The following GAN variants were observed in gnomAD, a reference collection of about 807,000 sequenced individuals.
GAN encodes the protein epididymis secretory sperm binding protein.
In GAN, 48 loss-of-function variants were observed where a neutral mutation model predicts 71.3. The observed-to-expected ratio is 0.67, with a 90% CI of 0.53 to 0.86. The LOEUF is 0.86. Among genes scored for constraint, GAN ranks in the 40% least tolerant of loss-of-function variants. The pLI is 0.00. For missense variants in GAN, 928 were observed against 770.1 expected (o/e 1.21, Z -2.43); for synonymous variants, 386 against 276.8 (o/e 1.39, Z -3.92).
chr16:81,376,818 A>G (rs1427531990), intron 9 of GAN, among the ~76,000 whole-genome samples: 2 of 152,126 alleles, frequency 1.3e-5, no homozygotes, highest in African/African-American at 2.4e-5. Flanking sequence ...TTGAGGCTGC[A>G]GTGAACCATA....
chr16:81,339,732 ATGGAG>A lies in GAN; in HGVS notation c.168-11848_168-11844del, dbSNP rs1432627121. Among the ~76,000 whole-genome samples, 12 of 152,308 alleles carry A rather than the reference ATGGAG, an allele frequency of 7.9e-5. No homozygotes were observed. In the East Asian group the frequency reaches 2.1e-3, roughly 27 times the overall value. On this transcript the variant is annotated intron_variant, in intron 1 of 10. Transcript: ENST00000648994. ...GGGCGGAGGTGCAGCTTGTGGCAGG[ATGGAG>A]TGATCTAGGAAAAATCTGTAGAACA...
At chr16:81,353,343 T>C (rs1258782928) in intron 2 of GAN, among the ~76,000 whole-genome samples, 1 of 151,568 alleles carries the variant, frequency 6.6e-6, no homozygotes, top group Non-Finnish European at 1.5e-5. Flanking sequence ...AACTCCTGAA[T>C]TGGCAGTTTT....
At chr16:81,353,401 A>C (rs184375441) in intron 2 of GAN, among the ~76,000 whole-genome samples, 187 of 151,974 alleles carry the variant, frequency 1.2e-3, no homozygotes, top group Admixed American at 3.6e-3. Flanking sequence ...CCTATATTTG[A>C]AGAGTCTACA....
At chr16:81,324,331 G>A (rs750213372) in intron 1 of GAN, among the ~76,000 whole-genome samples, 10 of 152,138 alleles carry the variant, frequency 6.6e-5, no homozygotes, top group Admixed American at 2.6e-4. Flanking sequence ...TGAGTTTGCC[G>A]AAGGAAGTCC....
intron 1 of GAN, among the ~76,000 whole-genome samples, chr16:81,341,225 A>G (rs1182721741): frequency 1.3e-5 from 2 of 152,178 alleles, no homozygotes; most frequent in African/African-American, 4.8e-5. Flanking sequence ...ACTCTGCAGG[A>G]TATTATCCAG....
intron 1 of GAN, among the ~76,000 whole-genome samples, chr16:81,321,851 C>G (rs575806448): frequency 8.5e-5 from 13 of 152,132 alleles, no homozygotes; most frequent in African/African-American, 3.1e-4. Context: ...GCTATGGTTG[C>G]GACCTTGCAT....
At chr16:81,320,448 G>C (rs992211038) in intron 1 of GAN, among the ~76,000 whole-genome samples, 2 of 152,216 alleles carry the variant, frequency 1.3e-5, no homozygotes, top group African/African-American at 2.4e-5. Context: ...CGAGGCAGCA[G>C]TATCCACTAA....
At chr16:81,370,628 C>T (rs1262339199) in intron 9 of GAN, among the ~76,000 whole-genome samples, 2 of 152,242 alleles carry the variant, frequency 1.3e-5, no homozygotes, top group Non-Finnish European at 2.9e-5. Flanking sequence ...AGAGTGTGCA[C>T]CCCTGGTCTC....
chr16:81,359,198 C>G (rs975518571), intron 5 of GAN, among the ~76,000 whole-genome samples: 3 of 116,538 alleles, frequency 2.6e-5, no homozygotes, highest in African/African-American at 9.5e-5. Flanking sequence ...AGCTCCCTTA[C>G]ATTTCCCCCA....
chr16:81,364,075 A>G (rs907244199), intron 7 of GAN, 132 bp downstream of exon 7: 258 of 801,432 alleles, frequency 3.2e-4, no homozygotes, highest in Non-Finnish European at 4.4e-4. Context: ...AACTCTCTTT[A>G]TCGGTAGTTT....
chr16:81,377,459 A>G lies in GAN; in HGVS notation c.1657A>G (p.Thr553Ala), dbSNP rs776251466. 1 of 1,614,118 alleles carries G rather than the reference A, an allele frequency of 6.2e-7. No individual in the cohort carries two copies. Among genetic ancestry groups the G allele is most frequent in the South Asian group, 1.1e-5 (1 of 91,080 alleles). ...YVREFKRSTG[T>A]WHHTKPLLPS... ...GCGTGAGTTTAAAAGAAGCACAGGAACCTGGCACCACACTAAACCACTCCT... is the reference window on the plus strand; with the variant it reads ...GCGTGAGTTTAAAAGAAGCACAGGAGCCTGGCACCACACTAAACCACTCCT... The change falls in exon 11 of 11, where the codon ACC (threonine) becomes GCC (alanine). Residue 553 changes from threonine to alanine, a missense_variant. Thr to Ala is a moderately conservative substitution (Grantham distance 58). Transcript: ENST00000648994.
chr16:81,342,307 C>T (rs1199534737), intron 1 of GAN, among the ~76,000 whole-genome samples: 1 of 152,210 alleles, frequency 6.6e-6, no homozygotes, highest in African/African-American at 2.4e-5. Flanking sequence ...CAGAACTCTC[C>T]ACCCCAAATC....
Position 81,383,511 on chromosome 16 carries a change from C to T in GAN, c.*5915C>T, listed in dbSNP as rs1157946924. 1 of 151,566 alleles carries T rather than the reference C, an allele frequency of 6.6e-6. No individual in the cohort carries two copies. Among genetic ancestry groups the T allele is most frequent in the Non-Finnish European group, 1.5e-5 (1 of 67,908 alleles). 9.4% of individuals were successfully genotyped at this position (151,566 alleles called of 1,614,324 possible). On this transcript the variant is annotated 3_prime_UTR_variant, in exon 11 of 11. Coordinates refer to ENST00000648994, the MANE Select transcript of GAN (RefSeq NM_022041.4). Reference sequence around the variant, plus strand: ...TTCGTGATCCGCCCGCCTCAGCCTCCCAAAGTGCTGGATTACAGGTGTGAG... The same window carrying T: ...TTCGTGATCCGCCCGCCTCAGCCTCTCAAAGTGCTGGATTACAGGTGTGAG...
At chr16:81,326,487 C>T (rs897938798) in intron 1 of GAN, among the ~76,000 whole-genome samples, 7 of 152,060 alleles carry the variant, frequency 4.6e-5, no homozygotes, top group Admixed American at 1.3e-4. Flanking sequence ...GAGACGAGAT[C>T]GCGCCATTGC....
chr16:81,371,111 T>A (rs1296074115), intron 9 of GAN, among the ~76,000 whole-genome samples: 5 of 152,140 alleles, frequency 3.3e-5, no homozygotes, highest in African/African-American at 1.2e-4. Flanking sequence ...TATTTCAAAT[T>A]TATGTTAGTT....
chr16:81,320,858 A>T lies in GAN; in HGVS notation c.167+5578A>T, dbSNP rs141099630. On this transcript the variant is annotated intron_variant, in intron 1 of 10. Transcript: ENST00000648994. ...TTCCTAACAACTGCTCAGAAGATGA[A>T]ATTTGTCCAGAAGGTCTTGATAGTT... is the stretch of plus-strand genomic sequence containing the variant. Among the ~76,000 whole-genome samples the T allele has an allele frequency of 6.1e-3, 929 of 152,258 alleles. 6 individuals are homozygous for T. The highest frequency in any genetic ancestry group is 0.021 in the African/African-American group (887 of 41,556).
chr16:81,370,836 C>G (rs1467372134), intron 9 of GAN, among the ~76,000 whole-genome samples: 9 of 152,228 alleles, frequency 5.9e-5, no homozygotes, highest in Non-Finnish European at 1.5e-5. Flanking sequence ...CATCCTTTTA[C>G]TTACTTTGGG....
intron 1 of GAN, among the ~76,000 whole-genome samples, chr16:81,337,211 G>C (rs113241902): frequency 3.3e-5 from 5 of 152,102 alleles, no homozygotes; most frequent in African/African-American, 1.2e-4. Context: ...TAAATGAAGA[G>C]GCTACACAGG....
In GAN at chr16:81,384,129, G is replaced by A. The variant is rs1904335389; in HGVS notation, c.*6533G>A. ...ATGCACTTATTCAGTTGTTCTTTGT[G>A]TTTATAGGAAAAACTCTGTTCTCAG... On this transcript the variant is annotated 3_prime_UTR_variant, in exon 11 of 11. Transcript: ENST00000648994. 6.6e-6 allele frequency: 1 copy of A among 151,890 alleles called. No homozygotes were observed. Among genetic ancestry groups the A allele is most frequent in the African/African-American group, 2.4e-5 (1 of 41,352 alleles). 9.4% of individuals were successfully genotyped at this position (151,890 alleles called of 1,614,324 possible).
Sources: allele counts gnomAD v4.1 joint callset (sites outside exome capture counted in the v4.1 genomes callset), GRCh38; gene constraint gnomAD v4.1.1; transcripts MANE v1.5; gene names NCBI Gene and HGNC (gene_info 2026-07-23, HGNC 2026-07-21).